Variants in KPNA3 observed in about 807,000 individuals in gnomAD.
KPNA3 encodes importin subunit alpha-4.
Under a neutral mutation model 73.8 loss-of-function variants are expected in KPNA3, and 13 were observed. The observed-to-expected ratio is 0.18, with a 90% CI of 0.11 to 0.28. The LOEUF is 0.28. Ranked by LOEUF, KPNA3 falls within the 10% of genes least tolerant of loss-of-function variation. The pLI is 1.00. For missense variants in KPNA3, 360 were observed against 618.1 expected (o/e 0.58, Z 4.43); for synonymous variants, 186 against 206.9 (o/e 0.90, Z 0.87).
chr13:49,771,607 C>T (rs1954855964), intron 1 of KPNA3, among the ~76,000 whole-genome samples: 1 of 152,118 alleles, frequency 6.6e-6, no homozygotes, highest in South Asian at 2.1e-4. Context: ...TATGCTACCA[C>T]ACCCAGCTTT....
intron 6 of KPNA3, among the ~76,000 whole-genome samples, chr13:49,730,735 C>T (rs966181102): frequency 1.5e-4 from 22 of 147,300 alleles, no homozygotes; most frequent in African/African-American, 5.4e-4. Context: ...CGTCATTCAG[C>T]ATTAGGTATA....
intron 1 of KPNA3, among the ~76,000 whole-genome samples, chr13:49,751,852 G>A (rs1442387408): frequency 2.0e-5 from 3 of 152,164 alleles, no homozygotes; most frequent in African/African-American, 7.2e-5. Context: ...AGGCTGCAGT[G>A]AGCCATGATC....
At chr13:49,746,107 T>C (rs1954614944) in intron 2 of KPNA3, among the ~76,000 whole-genome samples, 1 of 150,394 alleles carries the variant, frequency 6.6e-6, no homozygotes, top group African/African-American at 2.4e-5. Flanking sequence ...GAAAGAGAAT[T>C]CACTATTATT....
Position 49,701,359 on chromosome 13 carries a change from TGATGGAGGCTCA to T in KPNA3, c.*429_*440del, listed in dbSNP as rs1954145875. The T allele has an allele frequency of 3.4e-6, 1 of 291,464 alleles. No individual in the cohort carries two copies. The highest frequency in any genetic ancestry group is 4.2e-4 in the Middle Eastern group (1 of 2,360). The allele number at this position is 291,464 out of a possible 1,614,324, so 18.1% of individuals were successfully genotyped here. A position where few individuals can be genotyped will look rare whatever the true frequency, so the allele number is the denominator to read the frequency against. On this transcript the variant is annotated 3_prime_UTR_variant, in exon 17 of 17. Transcript: ENST00000261667. ...ATGAAAATATGTTTGTGGAGGACAA[TGATGGAGGCTCA>T]GATCACACTGCACCTCTTTAGTCTT... is the stretch of plus-strand genomic sequence containing the variant.
At chr13:49,703,412 C>T (rs1204870896) in intron 15 of KPNA3, among the ~76,000 whole-genome samples, 2 of 151,752 alleles carry the variant, frequency 1.3e-5, no homozygotes, top group Non-Finnish European at 2.9e-5. Context: ...GAACTCCTGA[C>T]CTCGTGATTC....
At chr13:49,763,143 T>C (rs1248319523) in intron 1 of KPNA3, among the ~76,000 whole-genome samples, 2 of 151,546 alleles carry the variant, frequency 1.3e-5, no homozygotes, top group African/African-American at 2.4e-5. Context: ...AACAGAAAAA[T>C]GGAAGTAAAA....
At chr13:49,721,065 A>C (rs1954351781) in intron 9 of KPNA3, among the ~76,000 whole-genome samples, 1 of 152,122 alleles carries the variant, frequency 6.6e-6, no homozygotes. Context: ...CTAAAAATAC[A>C]AAAACTAGCC....
intron 1 of KPNA3, among the ~76,000 whole-genome samples, chr13:49,785,561 T>C (rs951641749): frequency 9.2e-5 from 14 of 152,210 alleles, no homozygotes; most frequent in Non-Finnish European, 1.6e-4. Context: ...TCCCCGCACA[T>C]TGAAATGATG....
chr13:49,755,701 G>C (rs1252066544), intron 1 of KPNA3, among the ~76,000 whole-genome samples: 1 of 152,176 alleles, frequency 6.6e-6, no homozygotes, highest in East Asian at 1.9e-4. Flanking sequence ...TGAGGCAGAG[G>C]AATCGCTTGA....
At chr13:49,741,052 G>A (rs1954569228) in intron 2 of KPNA3, among the ~76,000 whole-genome samples, 1 of 152,084 alleles carries the variant, frequency 6.6e-6, no homozygotes, top group South Asian at 2.1e-4. Flanking sequence ...GTCTACTGGT[G>A]GACATTTGGG....
intron 8 of KPNA3, 105 bp downstream of exon 8, chr13:49,722,372 G>T (rs1954367708): frequency 1.3e-6 from 1 of 766,274 alleles, no homozygotes; most frequent in Non-Finnish European, 2.2e-6. Flanking sequence ...CAAGAAGAGA[G>T]TCAACACACA....
At chr13:49,785,739 C>T (rs1954977059) in intron 1 of KPNA3, among the ~76,000 whole-genome samples, 1 of 151,434 alleles carries the variant, frequency 6.6e-6, no homozygotes, top group Non-Finnish European at 1.5e-5. Flanking sequence ...AGTATATGCC[C>T]CATTAGTGAA....
At chr13:49,790,747 A>T (rs1196370573) in intron 1 of KPNA3, among the ~76,000 whole-genome samples, 1 of 152,244 alleles carries the variant, frequency 6.6e-6, no homozygotes, top group Non-Finnish European at 1.5e-5. Context: ...TATTATGTGC[A>T]GGAGTCCTTA....
chr13:49,758,154 A>G (rs1267857204), intron 1 of KPNA3, among the ~76,000 whole-genome samples: 1 of 152,162 alleles, frequency 6.6e-6, no homozygotes, highest in Non-Finnish European at 1.5e-5. Flanking sequence ...ACCACAAACT[A>G]GAGGCCAAAA....
rs374756724 is a variant in KPNA3, at chr13:49,783,344, C to T, written c.69+9094G>A. 7.2e-5 allele frequency among the ~76,000 whole-genome samples: 11 copies of T among 152,152 alleles called. No homozygotes were observed. The East Asian group carries it at 1.4e-3, about 19-fold the overall frequency. On this transcript the variant is annotated intron_variant, in intron 1 of 16. Coordinates refer to ENST00000261667, the MANE Select transcript of KPNA3 (RefSeq NM_002267.4). ...TATGCTGTAAGAAAATTTTTCTTAA[C>T]AGCAAAACTGCAAGAAAGGATAGCT...
At chr13:49,762,916 GGCT>G (rs149208539) in intron 1 of KPNA3, among the ~76,000 whole-genome samples, 15,755 of 65,176 alleles carry the variant, frequency 0.24, 1,915 homozygotes, top group East Asian at 0.69. Context: ...CACCAAGGCT[GGCT>G]TAAAAAACAA....
At chr13:49,760,490 T>C (rs1242640851) in intron 1 of KPNA3, among the ~76,000 whole-genome samples, 2 of 148,726 alleles carry the variant, frequency 1.3e-5, no homozygotes, top group Non-Finnish European at 3.0e-5. Flanking sequence ...ATAAAGTGCA[T>C]AAAAAAGACA....
intron 2 of KPNA3, among the ~76,000 whole-genome samples, chr13:49,743,168 T>C (rs1328680235): frequency 6.6e-6 from 1 of 152,172 alleles, no homozygotes; most frequent in South Asian, 2.1e-4. Flanking sequence ...AATTGACAGA[T>C]GATATCCACT....
intron 1 of KPNA3, among the ~76,000 whole-genome samples, chr13:49,780,264 G>C (rs201865301): frequency 6.6e-6 from 1 of 152,018 alleles, no homozygotes. Flanking sequence ...GGCTGCTTTT[G>C]CGCTCAAGAC....
Sources: gnomAD v4.1 joint callset for allele counts (sites outside exome capture counted in the v4.1 genomes callset) on GRCh38, gnomAD v4.1.1 for gene constraint, MANE v1.5 for transcripts, NCBI Gene and HGNC (gene_info 2026-07-23, HGNC 2026-07-21) for gene names.